The following CELF5 variants were observed in gnomAD, a reference collection of about 807,000 sequenced individuals.
CELF5 encodes CUG-BP and ETR-3 like factor 5.
A neutral mutation model predicts 54.9 loss-of-function variants in CELF5; 6 were observed. That is an observed-to-expected ratio of 0.11 (90% CI 0.06 to 0.22). The LOEUF is 0.22. CELF5 is among the 10% of genes least tolerant of loss of function. The pLI, the probability that CELF5 is intolerant of heterozygous loss-of-function variation, is 1.00. For synonymous variants in CELF5, 271 were observed against 290.9 expected, an observed-to-expected ratio of 0.93 and a Z score of 0.70; for missense variants, 401 against 678.6, an observed-to-expected ratio of 0.59 and a Z score of 4.54.
intron 1 of CELF5, among the ~76,000 whole-genome samples, chr19:3,227,169 C>T (rs2144959654): frequency 6.6e-6 from 1 of 152,292 alleles, no homozygotes; most frequent in Middle Eastern, 3.4e-3. Context: ...CTGGACTTCA[C>T]CTGGTCTTTG....
chr19:3,276,763 G>A (rs1208875349), intron 4 of CELF5, among the ~76,000 whole-genome samples: 2 of 149,750 alleles, frequency 1.3e-5, no homozygotes, highest in East Asian at 3.9e-4. Context: ...CTTATGGATG[G>A]GGATGCAGGG....
intron 1 of CELF5, among the ~76,000 whole-genome samples, chr19:3,232,836 A>G (rs571503464): frequency 2.0e-5 from 3 of 152,216 alleles, no homozygotes; most frequent in East Asian, 3.9e-4. Flanking sequence ...GCACTTTGGG[A>G]GGCCGAGGTG....
intron 1 of CELF5, chr19:3,225,517 T>G (rs1387349193): frequency 5.3e-6 from 5 of 942,654 alleles, no homozygotes; most frequent in Non-Finnish European, 6.3e-6. Flanking sequence ...CGGGGAAGTT[T>G]GCACCTGCGG....
At chr19:3,289,714 A>AAAAAAAAAAAAAC (rs2080311717) in intron 10 of CELF5, among the ~76,000 whole-genome samples, 1 of 148,996 alleles carries the variant, frequency 6.7e-6, no homozygotes, top group African/African-American at 2.5e-5. Context: ...AAAAAAAAAA[A>AAAAAAAAAAAAAC]ATTAGCAACG....
intron 2 of CELF5, among the ~76,000 whole-genome samples, chr19:3,259,559 C>T (rs932428729): frequency 6.6e-6 from 1 of 152,080 alleles, no homozygotes; most frequent in Non-Finnish European, 1.5e-5. Context: ...CAGGAGGACC[C>T]CAGCTCCTGG....
chr19:3,272,792 G>A (rs2079987949), intron 2 of CELF5, among the ~76,000 whole-genome samples: 1 of 152,180 alleles, frequency 6.6e-6, no homozygotes. Context: ...GGGTTTTGAA[G>A]GTTGAGTGGG....
At chr19:3,232,783 A>G (rs1917329284) in intron 1 of CELF5, among the ~76,000 whole-genome samples, 2 of 152,042 alleles carry the variant, frequency 1.3e-5, no homozygotes, top group Admixed American at 1.3e-4. Context: ...CTCTACAAAA[A>G]ATAAATTTAG....
chr19:3,247,215 AC>A (rs1340775685), intron 1 of CELF5, among the ~76,000 whole-genome samples: 1 of 151,916 alleles, frequency 6.6e-6, no homozygotes, highest in Non-Finnish European at 1.5e-5. Flanking sequence ...CAACCTCCAC[AC>A]CCTGGGCTCA....
chr19:3,264,967 G>A (rs971231982), intron 2 of CELF5, among the ~76,000 whole-genome samples: 16 of 152,170 alleles, frequency 1.1e-4, no homozygotes, highest in East Asian at 7.8e-4. Context: ...GCCTGCCTCC[G>A]CCTCCCAAAG....
intron 2 of CELF5, among the ~76,000 whole-genome samples, chr19:3,254,200 G>C (rs1380542225): frequency 6.6e-6 from 1 of 152,082 alleles, no homozygotes; most frequent in African/African-American, 2.4e-5. Flanking sequence ...CCATCTTGAG[G>C]GGACTCTGTC....
At chr19:3,277,552 T>C (rs1347476587) in intron 4 of CELF5, among the ~76,000 whole-genome samples, 2 of 150,934 alleles carry the variant, frequency 1.3e-5, no homozygotes, top group Non-Finnish European at 3.0e-5. Context: ...GCTTTTTTTT[T>C]CTATTCATAA....
chr19:3,244,123 G>A (rs974568991), intron 1 of CELF5, among the ~76,000 whole-genome samples: 1 of 152,018 alleles, frequency 6.6e-6, no homozygotes, highest in Admixed American at 6.6e-5. Flanking sequence ...ATTTTCACCA[G>A]CTAGAAACGA....
chr19:3,236,173 T>C (rs892268287), intron 1 of CELF5, among the ~76,000 whole-genome samples: 9 of 152,078 alleles, frequency 5.9e-5, no homozygotes, highest in African/African-American at 2.2e-4. Flanking sequence ...AAGGCATTTA[T>C]GCGTGCATTG....
chr19:3,288,478 C>T (rs142810582), intron 10 of CELF5, among the ~76,000 whole-genome samples: 5 of 151,950 alleles, frequency 3.3e-5, no homozygotes, highest in Non-Finnish European at 5.9e-5. Context: ...GCCAAGATCA[C>T]GCCATTGCAC....
In CELF5 at chr19:3,284,942, C is replaced by G; in HGVS notation, c.1080C>G (p.Phe360Leu). The G allele has an allele frequency of 6.2e-7, 1 of 1,612,738 alleles. No homozygotes were observed. The highest frequency in any genetic ancestry group is 8.5e-7 in the Non-Finnish European group (1 of 1,179,636). The change falls in exon 9 of 13, where the codon TTC becomes TTG. Residue 360 changes from phenylalanine (F) to leucine (L), a missense_variant. By Grantham distance (22) the Phe-to-Leu change is conservative. Around this residue, in one of 6 missense-constraint regions of CELF5, gnomAD observed 143 missense variants for 147.6 expected, o/e 0.97. Coordinates refer to ENST00000292672, the MANE Select transcript of CELF5 (RefSeq NM_021938.4). ...PTVAETLHPA[F>L]SGVQQYTAMY... is the part of the protein sequence containing the mutation. ...TGGCCGAGACACTGCATCCTGCCTT[C>G]TCCGGAGTCCAGCAGTACACAGGTA... is the stretch of plus-strand genomic sequence containing the variant.
chr19:3,254,094 G>A (rs1052502699), intron 2 of CELF5, among the ~76,000 whole-genome samples: 2 of 152,102 alleles, frequency 1.3e-5, no homozygotes, highest in South Asian at 2.1e-4. Flanking sequence ...CAAGAGCCAC[G>A]AAACCTCATG....
intron 2 of CELF5, among the ~76,000 whole-genome samples, chr19:3,265,680 C>T (rs1341149109): frequency 6.6e-6 from 1 of 152,190 alleles, no homozygotes; most frequent in African/African-American, 2.4e-5. Context: ...CCAGAAAGCT[C>T]GTGAATCATC....
At chr19:3,257,969 T>A (rs1366535629) in intron 2 of CELF5, among the ~76,000 whole-genome samples, 3 of 151,368 alleles carry the variant, frequency 2.0e-5, no homozygotes, top group Admixed American at 2.0e-4. Flanking sequence ...CTGGCTGATT[T>A]TTTTTTTTTT....
At chr19:3,263,775 G>A (rs921298845) in intron 2 of CELF5, among the ~76,000 whole-genome samples, 4 of 150,632 alleles carry the variant, frequency 2.7e-5, no homozygotes, top group Admixed American at 2.0e-4. Context: ...CGTGGTGGTG[G>A]GCACCTGTGA....
Sources: gnomAD v4.1 joint callset for allele counts (sites outside exome capture counted in the v4.1 genomes callset) on GRCh38, gnomAD v4.1.1 for gene constraint, gnomAD v4.1.1 regional missense constraint, MANE v1.5 for transcripts, NCBI Gene and HGNC (gene_info 2026-07-23, HGNC 2026-07-21) for gene names.